Variants in AP2A2 observed in about 807,000 individuals in gnomAD.
AP2A2 encodes adaptor related protein complex 2 subunit alpha 2, also known as AP-2 complex subunit alpha-2.
A neutral mutation model predicts 104.2 loss-of-function variants in AP2A2; 32 were observed. The observed-to-expected ratio is 0.31, with a 90% CI of 0.23 to 0.41. The LOEUF is 0.41. Ranked by LOEUF, AP2A2 falls within the 10% of genes least tolerant of loss-of-function variation. The pLI, the probability that AP2A2 is intolerant of heterozygous loss-of-function variation, is 1.00. For synonymous variants in AP2A2, 539 were observed against 533.3 expected (o/e 1.01, Z -0.15); for missense variants, 912 against 1,261.0 (o/e 0.72, Z 4.19).
Position 972,372 on chromosome 11 carries a change from A to G in AP2A2, c.473+117A>G, listed in dbSNP as rs185926123. On this transcript the variant is annotated intron_variant, in intron 4 of 21. Transcript: ENST00000448903. ...TTTTACTCTCCCCATCTTATGGGAG[A>G]TGAGATGTAGCCTAAGGTGGGATCC... 2.6e-5 allele frequency: 31 copies of G among 1,172,524 alleles called. No homozygotes were observed. In the East Asian group the frequency reaches 8.0e-4, roughly 30 times the overall value. The allele number at this position is 1,172,524 out of a possible 1,614,324, so 72.6% of individuals were successfully genotyped here. A position where few individuals can be genotyped will look rare whatever the true frequency, so the allele number is the denominator to read the frequency against.
intron 1 of AP2A2, among the ~76,000 whole-genome samples, chr11:944,275 T>G: frequency 6.6e-6 from 1 of 152,172 alleles, no homozygotes; most frequent in East Asian, 1.9e-4. Context: ...TGGGACAGTT[T>G]TTGGTGCATT....
intron 18 of AP2A2, chr11:1,008,343 G>A (rs377424822): frequency 7.7e-4 from 519 of 677,514 alleles, no homozygotes; most frequent in Non-Finnish European, 1.1e-3. Flanking sequence ...GCTCCGGGAC[G>A]GCAGGTGGCA....
In AP2A2 at chr11:988,559, G is replaced by T. The variant is rs777620962; in HGVS notation, c.1139G>T (p.Arg380Leu). ...CTGTGCCTTGTTCCCCAGACTGAGC[G>T]GGACGTGAGCGTGCGGCAGCGGGCC... is the stretch of plus-strand genomic sequence containing the variant. ...ETVINALKTE[R>L]DVSVRQRAVD... Residue 380 changes from arginine (R) to leucine (L), a missense_variant, in exon 10 of 22, where the codon CGG becomes CTG. Physicochemically the swap from Arg to Leu is moderately radical, Grantham distance 102 (BLOSUM62 -2). Coordinates refer to ENST00000448903, the MANE Select transcript of AP2A2 (RefSeq NM_012305.4). 1.2e-6 allele frequency: 2 copies of T among 1,611,322 alleles called. No individual in the cohort carries two copies. The highest frequency in any genetic ancestry group is 8.5e-7 in the Non-Finnish European group (1 of 1,179,820).
intron 20 of AP2A2, 58 bp downstream of exon 20, chr11:1,009,455 G>T (rs1856327398): frequency 7.1e-6 from 11 of 1,541,262 alleles, no homozygotes; most frequent in Admixed American, 1.7e-5. Context: ...CCGCGCCAGG[G>T]TCTGGAGGGA....
intron 6 of AP2A2, among the ~76,000 whole-genome samples, chr11:983,566 G>T (rs778426951): frequency 6.6e-6 from 1 of 151,584 alleles, no homozygotes; most frequent in Admixed American, 6.6e-5. Context: ...GTATTTTTTA[G>T]TAGAGATGGG....
At chr11:995,594 G>T (rs916093253) in intron 14 of AP2A2, among the ~76,000 whole-genome samples, 8 of 151,480 alleles carry the variant, frequency 5.3e-5, no homozygotes, top group Non-Finnish European at 1.0e-4. Context: ...TGCTCATGTC[G>T]GAGTCCTGGC....
chr11:986,207 C>A (rs1007437792), intron 8 of AP2A2, among the ~76,000 whole-genome samples: 1 of 152,248 alleles, frequency 6.6e-6, no homozygotes, highest in Non-Finnish European at 1.5e-5. Flanking sequence ...TGTGGGCAGA[C>A]GCTCTCTACA....
At chr11:950,724 C>T (rs1296200897) in intron 1 of AP2A2, among the ~76,000 whole-genome samples, 3 of 151,958 alleles carry the variant, frequency 2.0e-5, no homozygotes, top group Non-Finnish European at 2.9e-5. Context: ...ATTTGAAAAC[C>T]GTGTACCTGA....
In AP2A2 at chr11:992,303, C is replaced by T. The variant is rs2133737803; in HGVS notation, c.1270-200C>T. ...CTGGTCTCCGCCTCTTCCTGGCTTT[C>T]TTTGCTTAAGTCAGGGCATCTTAAA... On this transcript the variant is annotated intron_variant, in intron 10 of 21. Transcript: ENST00000448903. This position sits in a 1 kb window ranked among gnomAD's most constrained non-coding sequence, Gnocchi z 6.4. 6.6e-6 allele frequency among the ~76,000 whole-genome samples: 1 copy of T among 152,340 alleles called. No homozygotes were observed. The highest frequency in any genetic ancestry group is 2.1e-4 in the South Asian group (1 of 4,834).
At chr11:976,283 A>AT (rs904666434) in intron 4 of AP2A2, among the ~76,000 whole-genome samples, 1 of 152,140 alleles carries the variant, frequency 6.6e-6, no homozygotes, top group Non-Finnish European at 1.5e-5. Flanking sequence ...ATTCAAAGTA[A>AT]TTTTTTGGAA....
At chr11:935,031 G>T (rs1853407547) in intron 1 of AP2A2, among the ~76,000 whole-genome samples, 1 of 147,594 alleles carries the variant, frequency 6.8e-6, no homozygotes, top group Non-Finnish European at 1.5e-5. Flanking sequence ...GCTAATTTTT[G>T]TATTTTTGGT....
chr11:938,530 A>G (rs1853540241), intron 1 of AP2A2, among the ~76,000 whole-genome samples: 1 of 148,978 alleles, frequency 6.7e-6, no homozygotes, highest in Non-Finnish European at 1.5e-5. Context: ...GCTGGAGTGC[A>G]GTGGCGCGAT....
intron 1 of AP2A2, among the ~76,000 whole-genome samples, chr11:934,847 G>A (rs1480033644): frequency 2.6e-5 from 4 of 151,710 alleles, no homozygotes; most frequent in Non-Finnish European, 4.4e-5. Flanking sequence ...TAGCAAGTAC[G>A]TGTTTCTTTT....
intron 21 of AP2A2, 91 bp downstream of exon 21, chr11:1,009,908 TTCAG>T: frequency 7.0e-7 from 1 of 1,434,520 alleles, no homozygotes; most frequent in Non-Finnish European, 9.4e-7. Flanking sequence ...TTTAGTGCAG[TTCAG>T]TCAGTTTTGA....
At chr11:1,009,904 G>A in intron 21 of AP2A2, 87 bp downstream of exon 21, 1 of 1,449,564 alleles carries the variant, frequency 6.9e-7, no homozygotes, top group South Asian at 1.3e-5. Flanking sequence ...GCTCTTTAGT[G>A]CAGTTCAGTC....
chr11:979,401 C>T (rs1396721423), intron 5 of AP2A2, among the ~76,000 whole-genome samples: 1 of 151,912 alleles, frequency 6.6e-6, no homozygotes, highest in Non-Finnish European at 1.5e-5. Context: ...GAAGACCAAT[C>T]AGACCAATTT....
intron 5 of AP2A2, among the ~76,000 whole-genome samples, chr11:980,590 G>T (rs1855203181): frequency 6.6e-6 from 1 of 152,150 alleles, no homozygotes; most frequent in South Asian, 2.1e-4. Context: ...AGGACTGCTT[G>T]TGCCCTGGGA....
rs577866942 is a variant in AP2A2, at chr11:941,051, G to A, written c.67+14963G>A. On this transcript the variant is annotated intron_variant, in intron 1 of 21. Transcript: ENST00000448903. ...TTTTGTGTTCTCACTTTTCCAGCTT[G>A]TCTTTTTCTGAGATGGGGGCCGAGG... Among the ~76,000 whole-genome samples, 18 of 152,324 alleles carry A rather than the reference G, an allele frequency of 1.2e-4. No homozygotes were observed. The South Asian group carries it at 3.5e-3, about 30-fold the overall frequency.
At position 993,955 on chromosome 11, in the gene AP2A2, G is replaced by T. The variant is rs1041252897; in HGVS notation, c.1752G>T (p.Arg584=). 1.9e-6 allele frequency: 3 copies of T among 1,612,244 alleles called. No homozygotes were observed. Among genetic ancestry groups the T allele is most frequent in the South Asian group, 1.1e-5 (1 of 91,056 alleles). ...ELQQRAVEYL[R]LSTVASTDIL... ...AGCAGCGTGCTGTGGAGTACCTGCG[G>T]CTCAGCACCGTGGCCAGCACCGACA... Residue 584 remains arginine (R), a synonymous_variant, in exon 13 of 22, where the codon CGG becomes CGT. Coordinates refer to ENST00000448903, the MANE Select transcript of AP2A2 (RefSeq NM_012305.4). This position sits in a 1 kb window ranked among gnomAD's most constrained non-coding sequence, Gnocchi z 8.2.
Sources: gnomAD v4.1 joint callset for allele counts (sites outside exome capture counted in the v4.1 genomes callset) on GRCh38, gnomAD v4.1.1 for gene constraint, Gnocchi (gnomAD v3.1) non-coding constraint, MANE v1.5 for transcripts, NCBI Gene and HGNC (gene_info 2026-07-23, HGNC 2026-07-21) for gene names.